The following PCDH7 variants were observed in gnomAD, a reference collection of about 807,000 sequenced individuals.
The protein encoded by PCDH7 is protocadherin 7, also known as protocadherin-7.
PCDH7 carries 17 observed loss-of-function variants against 58.9 expected under a neutral mutation model. That is an observed-to-expected ratio of 0.29 (90% CI 0.20 to 0.43). PCDH7 has a LOEUF of 0.43. Among genes scored for constraint, PCDH7 ranks in the 20% least tolerant of loss-of-function variants. The pLI is 1.00. For missense variants in PCDH7, 1,274 were observed against 1,441.0 expected (o/e 0.88, Z 1.88); for synonymous variants, 664 against 616.4 (o/e 1.08, Z -1.14).
chr4:31,119,822 C>T lies in PCDH7; in HGVS notation c.*8-22651C>T, dbSNP rs1342948999. Among the ~76,000 whole-genome samples the T allele has an allele frequency of 4.6e-5, 7 of 152,054 alleles. No homozygotes were observed. In the South Asian group the frequency reaches 6.2e-4, roughly 14 times the overall value. Reference sequence around the variant, plus strand: ...GAACCTGAGGCATTCTTCCCTTTTCCAGTGGACTGTGCCAGAAGGTCTTAC... The same window carrying T: ...GAACCTGAGGCATTCTTCCCTTTTCTAGTGGACTGTGCCAGAAGGTCTTAC... On this transcript the variant is annotated intron_variant, in intron 3 of 3. Coordinates refer to the PCDH7 transcript ENST00000509759.
intron 1 of PCDH7, among the ~76,000 whole-genome samples, chr4:30,812,751 T>C (rs1185118830): frequency 6.6e-6 from 1 of 152,228 alleles, no homozygotes; most frequent in Non-Finnish European, 1.5e-5. Flanking sequence ...GGGAAAACAT[T>C]ATTCATCTAA....
intron 1 of PCDH7, among the ~76,000 whole-genome samples, chr4:30,838,324 T>A (rs76040894): frequency 6.8e-4 from 104 of 152,228 alleles, no homozygotes; most frequent in African/African-American, 2.5e-3. Flanking sequence ...ATTTTTTTTT[T>A]ATTTTAACTC....
At chr4:30,998,277 T>C (rs1410241884) in intron 3 of PCDH7, among the ~76,000 whole-genome samples, 1 of 152,092 alleles carries the variant, frequency 6.6e-6, no homozygotes, top group Non-Finnish European at 1.5e-5. Flanking sequence ...ATCATCTTGA[T>C]CTCTGGAGAG....
chr4:30,749,346 CT>C (rs761025345), intron 1 of PCDH7, among the ~76,000 whole-genome samples: 1 of 152,074 alleles, frequency 6.6e-6, no homozygotes, highest in Non-Finnish European at 1.5e-5. Flanking sequence ...CAGTCTGTGT[CT>C]TGTATGAATG....
At chr4:30,963,829 A>G (rs1413304410) in intron 3 of PCDH7, among the ~76,000 whole-genome samples, 2 of 152,168 alleles carry the variant, frequency 1.3e-5, no homozygotes, top group African/African-American at 2.4e-5. Context: ...GCCTTCCCCA[A>G]CTCTAAGAAC....
intron 1 of PCDH7, among the ~76,000 whole-genome samples, chr4:30,914,841 C>T (rs1578271109): frequency 6.6e-6 from 1 of 152,124 alleles, no homozygotes; most frequent in African/African-American, 2.4e-5. Context: ...TAAGGCACAA[C>T]AACCAAAAAT....
chr4:30,803,974 C>G (rs573787280), intron 1 of PCDH7, among the ~76,000 whole-genome samples: 57 of 152,122 alleles, frequency 3.7e-4, no homozygotes, highest in Non-Finnish European at 6.9e-4. Context: ...CTTAAACTAA[C>G]CAGTTTTCTC....
chr4:30,829,475 G>A (rs1729507965), intron 1 of PCDH7, among the ~76,000 whole-genome samples: 2 of 151,968 alleles, frequency 1.3e-5, no homozygotes, highest in Admixed American at 6.6e-5. Flanking sequence ...AGGCTGGAGG[G>A]AAAATCTCTG....
chr4:31,111,170 G>A (rs1178216201), intron 3 of PCDH7, among the ~76,000 whole-genome samples: 1 of 152,000 alleles, frequency 6.6e-6, no homozygotes, highest in Non-Finnish European at 1.5e-5. Context: ...ATTACAAACT[G>A]CAAACAAATA....
intron 3 of PCDH7, among the ~76,000 whole-genome samples, chr4:30,971,627 T>C (rs1487978766): frequency 6.6e-6 from 1 of 152,204 alleles, no homozygotes; most frequent in Non-Finnish European, 1.5e-5. Context: ...TTGTCAGTTG[T>C]TTTAGAACAC....
chr4:31,000,914 C>T (rs1257927554), intron 3 of PCDH7, among the ~76,000 whole-genome samples: 4 of 151,980 alleles, frequency 2.6e-5, no homozygotes, highest in African/African-American at 9.7e-5. Context: ...ATATTTTATA[C>T]AGTTTAGAGT....
rs10709152 is a variant in PCDH7 at position 31,078,639 on chromosome 4, A to ATTTTTTTT, written c.*8-63816_*8-63809dup. 1.6e-3 allele frequency among the ~76,000 whole-genome samples: 121 copies of ATTTTTTTT among 73,564 alleles called. 1 individual carries two copies. The highest frequency in any genetic ancestry group is 2.4e-3 in the Non-Finnish European group (98 of 40,676). The allele number at this position is 73,564 out of a possible 152,430, so 48.3% of individuals were successfully genotyped here. On this transcript the variant is annotated intron_variant, in intron 3 of 3. Transcript: ENST00000509759. Reference sequence around the variant, plus strand: ...ACCACAGAACCATGAACCATGCCCCATTTTTTTTTTTTTTTTTTTTTTTTT... The same window carrying ATTTTTTTT: ...ACCACAGAACCATGAACCATGCCCCATTTTTTTTTTTTTTTTTTTTTTTTTTTTTTTTT...
At chr4:31,022,852 C>G (rs1161769019) in intron 3 of PCDH7, among the ~76,000 whole-genome samples, 1 of 152,014 alleles carries the variant, frequency 6.6e-6, no homozygotes, top group Non-Finnish European at 1.5e-5. Flanking sequence ...GTGTCATAAG[C>G]TGCTGTGCAA....
chr4:30,891,046 G>A (rs1173502735), intron 1 of PCDH7, among the ~76,000 whole-genome samples: 2 of 151,974 alleles, frequency 1.3e-5, no homozygotes, highest in East Asian at 1.9e-4. Context: ...ACCAGTTTAT[G>A]GTTTGTACAT....
At chr4:31,004,516 C>A (rs1234648682) in intron 3 of PCDH7, among the ~76,000 whole-genome samples, 1 of 151,986 alleles carries the variant, frequency 6.6e-6, no homozygotes, top group Non-Finnish European at 1.5e-5. Context: ...TCAAGACCAG[C>A]CTGGCCGACA....
At chr4:30,761,931 T>C (rs1247632533) in intron 1 of PCDH7, among the ~76,000 whole-genome samples, 1 of 152,218 alleles carries the variant, frequency 6.6e-6, no homozygotes, top group Non-Finnish European at 1.5e-5. Context: ...CCTCAGAGCA[T>C]ACCTGCCAAC....
chr4:30,984,970 T>G (rs1560554727), intron 3 of PCDH7, among the ~76,000 whole-genome samples: 1 of 151,914 alleles, frequency 6.6e-6, no homozygotes, highest in Non-Finnish European at 1.5e-5. Context: ...CATCTTTTTG[T>G]TGTTGTTGTT....
At chr4:31,138,485 T>G (rs1177459344) in intron 3 of PCDH7, among the ~76,000 whole-genome samples, 1 of 152,204 alleles carries the variant, frequency 6.6e-6, no homozygotes, top group African/African-American at 2.4e-5. Context: ...TCAGCTGTTA[T>G]ATTTTAAGAA....
intron 1 of PCDH7, among the ~76,000 whole-genome samples, chr4:30,907,260 A>G (rs1483813729): frequency 6.6e-6 from 1 of 152,114 alleles, no homozygotes; most frequent in Admixed American, 6.5e-5. Context: ...GACAAATGGG[A>G]TCTGATTACC....
Sources: gnomAD v4.1 joint callset for allele counts (sites outside exome capture counted in the v4.1 genomes callset) on GRCh38, gnomAD v4.1.1 for gene constraint, MANE v1.5 for transcripts, NCBI Gene and HGNC (gene_info 2026-07-23, HGNC 2026-07-21) for gene names.